RIMS2: variants seen among roughly 807,000 people sequenced by gnomAD.
The protein encoded by RIMS2 is regulating synaptic membrane exocytosis 2.
RIMS2 carries 59 observed loss-of-function variants against 174.4 expected under a neutral mutation model. That is an observed-to-expected ratio of 0.34 (90% CI 0.27 to 0.42). The LOEUF is 0.42. Ranked by LOEUF, RIMS2 falls within the 10% of genes least tolerant of loss-of-function variation. RIMS2 has a pLI of 1.00. For missense variants in RIMS2, 1,620 were observed against 1,666.3 expected, an observed-to-expected ratio of 0.97 and a Z score of 0.48; for synonymous variants, 606 against 572.5, an observed-to-expected ratio of 1.06 and a Z score of -0.84.
intron 17 of RIMS2, among the ~76,000 whole-genome samples, chr8:104,011,171 C>A (rs190375278): frequency 6.6e-6 from 1 of 152,120 alleles, no homozygotes; most frequent in Admixed American, 6.6e-5. Flanking sequence ...CTAGTCAGAC[C>A]TATTTTTATC....
rs370107528 is a variant in RIMS2, at chr8:103,659,893, G to C, written c.177-37193G>C. 1.5e-4 allele frequency among the ~76,000 whole-genome samples: 23 copies of C among 152,354 alleles called. No individual in the cohort carries two copies. In the East Asian group the frequency reaches 2.5e-3, roughly 17 times the overall value. On this transcript the variant is annotated intron_variant, in intron 1 of 23. Coordinates refer to ENST00000504942, the Ensembl canonical transcript of RIMS2. ...CAAAATGCTGCTTCGAGTGCACACG[G>C]TGTCTGTGGATGCCTGGGATGGCAA... is the stretch of plus-strand genomic sequence containing the variant.
At chr8:103,608,598 C>G (rs537123875) in intron 1 of RIMS2, among the ~76,000 whole-genome samples, 1 of 143,020 alleles carries the variant, frequency 7.0e-6, no homozygotes, top group African/African-American at 2.5e-5. Context: ...GCCTCGCTGC[C>G]GCCTTGCAGT....
intron 19 of RIMS2, among the ~76,000 whole-genome samples, chr8:104,189,846 G>A (rs2136311388): frequency 6.6e-6 from 1 of 151,928 alleles, no homozygotes; most frequent in South Asian, 2.1e-4. Flanking sequence ...CTTTGCTTCA[G>A]AGATCAAAAT....
intron 19 of RIMS2, among the ~76,000 whole-genome samples, chr8:104,139,749 T>A (rs2098551229): frequency 6.6e-6 from 1 of 152,176 alleles, no homozygotes; most frequent in Non-Finnish European, 1.5e-5. Context: ...TGGATGCCCT[T>A]TGTTTATTTC....
chr8:103,603,174 A>G (rs1349132896), intron 1 of RIMS2, among the ~76,000 whole-genome samples: 1 of 123,748 alleles, frequency 8.1e-6, no homozygotes, highest in East Asian at 2.4e-4. Flanking sequence ...CAGTCCCCAG[A>G]GTGTGATATT....
chr8:104,161,312 G>A (rs1305187152), intron 19 of RIMS2, among the ~76,000 whole-genome samples: 1 of 152,086 alleles, frequency 6.6e-6, no homozygotes, highest in Non-Finnish European at 1.5e-5. Flanking sequence ...ATATGGCCTG[G>A]ACATTTTGGA....
intron 1 of RIMS2, among the ~76,000 whole-genome samples, chr8:103,609,110 T>A (rs996931530): frequency 1.3e-5 from 2 of 152,234 alleles, no homozygotes; most frequent in African/African-American, 4.8e-5. Flanking sequence ...TGATTAGTGA[T>A]GTTGAGCATT....
chr8:104,128,203 C>G (rs2098447099), intron 19 of RIMS2, among the ~76,000 whole-genome samples: 1 of 152,118 alleles, frequency 6.6e-6, no homozygotes, highest in Non-Finnish European at 1.5e-5. Flanking sequence ...CAGTCACTAT[C>G]TGATCCACAG....
chr8:103,670,902 C>T (rs1484241418), intron 1 of RIMS2, among the ~76,000 whole-genome samples: 1 of 152,192 alleles, frequency 6.6e-6, no homozygotes, highest in Non-Finnish European at 1.5e-5. Context: ...TCCACATTTT[C>T]AGGTACCTTT....
At chr8:104,140,551 G>T (rs2098557158) in intron 19 of RIMS2, among the ~76,000 whole-genome samples, 1 of 152,192 alleles carries the variant, frequency 6.6e-6, no homozygotes, top group Non-Finnish European at 1.5e-5. Context: ...ATTAGAAAAA[G>T]TGGTACCTCT....
At chr8:104,205,028 A>G (rs924662786) in intron 19 of RIMS2, among the ~76,000 whole-genome samples, 1 of 152,138 alleles carries the variant, frequency 6.6e-6, no homozygotes, top group Admixed American at 6.5e-5. Context: ...ATTTCTGAAG[A>G]CTTTGGGCAT....
intron 1 of RIMS2, among the ~76,000 whole-genome samples, chr8:103,673,573 A>C (rs1234138161): frequency 1.3e-5 from 2 of 152,132 alleles, no homozygotes; most frequent in Admixed American, 6.5e-5. Context: ...GGCCTCTTTG[A>C]GCCCCAGCTG....
chr8:104,158,177 T>C lies in RIMS2; in HGVS notation c.3335-86739T>C, dbSNP rs190585740. ...GTTTTCTGTCCTTGTGATATTTTGC[T>C]GAGAATGATGGTTTCCAGCTTCATC... is the stretch of plus-strand genomic sequence containing the variant. On this transcript the variant is annotated intron_variant, in intron 19 of 23. Transcript: ENST00000504942. Among the ~76,000 whole-genome samples, 4 of 152,296 alleles carry C rather than the reference T, an allele frequency of 2.6e-5. No individual in the cohort carries two copies. The East Asian group carries it at 7.7e-4, about 29-fold the overall frequency.
At position 103,705,834 on chromosome 8, in the gene RIMS2, CT is replaced by C. The variant is rs1282375110; in HGVS notation, c.387+8551del. ...TCTTCTAGGCAGCATATATTTGGATCTTTTTTTTTTTTTAAATTCATTTCAC... is the reference window on the plus strand; with the variant it reads ...TCTTCTAGGCAGCATATATTTGGATCTTTTTTTTTTTTAAATTCATTTCAC... On this transcript the variant is annotated intron_variant, in intron 2 of 23. Transcript: ENST00000504942. Among the ~76,000 whole-genome samples the C allele has an allele frequency of 3.8e-3, 543 of 141,420 alleles. 1 individual carries two copies. The highest frequency in any genetic ancestry group is 6.4e-3 in the East Asian group (31 of 4,866). 92.8% of individuals were successfully genotyped at this position (141,420 alleles called of 152,430 possible). A position where few individuals can be genotyped will look rare whatever the true frequency, so the allele number is the denominator to read the frequency against.
chr8:103,785,956 T>C (rs889972175), intron 3 of RIMS2, among the ~76,000 whole-genome samples: 2 of 152,218 alleles, frequency 1.3e-5, no homozygotes, highest in Non-Finnish European at 2.9e-5. Flanking sequence ...GATCCTGTTA[T>C]TGGTGTATTC....
intron 1 of RIMS2, among the ~76,000 whole-genome samples, chr8:103,673,260 A>G (rs1428905515): frequency 6.6e-6 from 1 of 152,108 alleles, no homozygotes; most frequent in Non-Finnish European, 1.5e-5. Flanking sequence ...TGGATCTACC[A>G]TTCTGGATTT....
intron 13 of RIMS2, among the ~76,000 whole-genome samples, chr8:103,939,313 A>C (rs2082011292): frequency 6.6e-6 from 1 of 152,210 alleles, no homozygotes; most frequent in African/African-American, 2.4e-5. Flanking sequence ...CTGCAGGCTC[A>C]ACACCATGTG....
At chr8:103,962,429 G>A (rs1245149209) in intron 15 of RIMS2, among the ~76,000 whole-genome samples, 1 of 152,032 alleles carries the variant, frequency 6.6e-6, no homozygotes, top group Non-Finnish European at 1.5e-5. Flanking sequence ...TTCTTCATAT[G>A]AAAAACATTC....
chr8:103,869,879 GAGA>G lies in RIMS2; in HGVS notation c.699-15413_699-15411del, dbSNP rs148033226. On this transcript the variant is annotated intron_variant, in intron 3 of 23. Transcript: ENST00000504942. The stretch of plus-strand genomic sequence containing the variant: ...CAGAACAGTGGTAGAGTTGTTACTG[GAGA>G]AGAAGTAATAGTCACTTGTGGCAGT... Among the ~76,000 whole-genome samples, 569 of 152,302 alleles carry G rather than the reference GAGA, an allele frequency of 3.7e-3. 8 individuals carry two copies. The highest frequency in any genetic ancestry group is 0.013 in the African/African-American group (540 of 41,574).
Sources: gnomAD v4.1 joint callset for allele counts (sites outside exome capture counted in the v4.1 genomes callset) on GRCh38, gnomAD v4.1.1 for gene constraint, MANE v1.5 for transcripts, NCBI Gene and HGNC (gene_info 2026-07-23, HGNC 2026-07-21) for gene names.